SLC4A8: variants seen among roughly 807,000 people sequenced by gnomAD.
The protein encoded by SLC4A8 is solute carrier family 4 member 8.
A neutral mutation model predicts 125.0 loss-of-function variants in SLC4A8; 40 were observed. The observed-to-expected ratio is 0.32, with a 90% confidence interval of 0.25 to 0.42. SLC4A8 has a LOEUF of 0.42. Ranked by LOEUF, SLC4A8 falls within the 10% of genes least tolerant of loss-of-function variation. The pLI, the probability that SLC4A8 is intolerant of heterozygous loss-of-function variation, is 1.00. For synonymous variants in SLC4A8, 456 were observed against 476.0 expected (o/e 0.96, Z 0.55); for missense variants, 863 against 1,355.1 (o/e 0.64, Z 5.70).
At chr12:51,455,070 T>C (rs1472653846) in intron 5 of SLC4A8, among the ~76,000 whole-genome samples, 1 of 131,506 alleles carries the variant, frequency 7.6e-6, no homozygotes, top group Admixed American at 8.0e-5. Flanking sequence ...CCGCCCTTAA[T>C]CCATTTAACT....
intron 2 of SLC4A8, among the ~76,000 whole-genome samples, chr12:51,442,713 A>G (rs1373012470): frequency 6.6e-6 from 1 of 152,186 alleles, no homozygotes; most frequent in Non-Finnish European, 1.5e-5. Context: ...CAAATGGTGG[A>G]CAAACTAGAA....
intron 1 of SLC4A8, among the ~76,000 whole-genome samples, chr12:51,430,042 A>G (rs1949135808): frequency 6.6e-6 from 1 of 152,044 alleles, no homozygotes; most frequent in Non-Finnish European, 1.5e-5. Context: ...ACTGAAGGAA[A>G]GTTCAGGGAG....
At chr12:51,474,211 GCT>G in intron 14 of SLC4A8, 129 bp from the exon 15 acceptor site, 2 of 540,412 alleles carry the variant, frequency 3.7e-6, no homozygotes, top group South Asian at 3.3e-5. Context: ...AGGGGCCTCA[GCT>G]CCTCAGGTCT....
At chr12:51,482,241 A>G (rs1463097003) in intron 16 of SLC4A8, among the ~76,000 whole-genome samples, 1 of 152,184 alleles carries the variant, frequency 6.6e-6, no homozygotes, top group African/African-American at 2.4e-5. Context: ...TCAATATTTT[A>G]TATTGATTAC....
chr12:51,436,683 A>G (rs1316496596), intron 1 of SLC4A8, among the ~76,000 whole-genome samples: 1 of 151,982 alleles, frequency 6.6e-6, no homozygotes, highest in Admixed American at 6.6e-5. Context: ...CTGGAGTGCA[A>G]TGGCGTAATC....
At chr12:51,447,756 A>G (rs1592199779) in intron 2 of SLC4A8, among the ~76,000 whole-genome samples, 1 of 131,660 alleles carries the variant, frequency 7.6e-6, no homozygotes. Flanking sequence ...TCGCTCTGTC[A>G]CCCAGGCTGG....
chr12:51,497,844 A>T, intron 22 of SLC4A8: 1 of 145,738 alleles, frequency 6.9e-6, no homozygotes, highest in Non-Finnish European at 1.5e-5. Flanking sequence ...CCTAGGCAAT[A>T]TAATGAGACC....
intron 20 of SLC4A8, 66 bp downstream of exon 20, chr12:51,493,838 G>A (rs1417378795): frequency 1.0e-6 from 1 of 997,026 alleles, no homozygotes; most frequent in Non-Finnish European, 1.6e-6. Flanking sequence ...TCCAGGGAGG[G>A]ACAGCTCCCC....
In SLC4A8 at chr12:51,425,274, G is replaced by T. The variant is rs943539888; in HGVS notation, c.48+239G>T. 4.6e-6 allele frequency: 6 copies of T among 1,309,550 alleles called. No individual in the cohort carries two copies. In the Admixed American group the frequency reaches 2.0e-4, roughly 43 times the overall value. The allele number at this position is 1,309,550 out of a possible 1,614,324, so 81.1% of individuals were successfully genotyped here. A position where few individuals can be genotyped will look rare whatever the true frequency, so the allele number is the denominator to read the frequency against. ...GGCCCATCTCTGCCGCATCCCTTGC[G>T]CCGCCCGCCCAGGAGCCCTGACAGC... On this transcript the variant is annotated intron_variant, in intron 1 of 24. Transcript: ENST00000453097.
At chr12:51,503,512 A>C (rs1295628679) in intron 22 of SLC4A8, among the ~76,000 whole-genome samples, 1 of 152,198 alleles carries the variant, frequency 6.6e-6, no homozygotes, top group Non-Finnish European at 1.5e-5. Flanking sequence ...TGCCCGGCCT[A>C]CCTTATTGAT....
At chr12:51,435,972 T>G (rs1170117720) in intron 1 of SLC4A8, among the ~76,000 whole-genome samples, 5 of 152,196 alleles carry the variant, frequency 3.3e-5, no homozygotes, top group African/African-American at 9.7e-5. Flanking sequence ...TGCTACTGAT[T>G]GATCATTTTT....
At chr12:51,496,588 A>T (rs1951464956) in intron 21 of SLC4A8, among the ~76,000 whole-genome samples, 1 of 152,204 alleles carries the variant, frequency 6.6e-6, no homozygotes, top group Non-Finnish European at 1.5e-5. Flanking sequence ...AATAAAGATG[A>T]TCTTCTAAGA....
intron 1 of SLC4A8, among the ~76,000 whole-genome samples, chr12:51,401,084 C>A (rs1429302009): frequency 6.6e-6 from 1 of 151,692 alleles, no homozygotes; most frequent in East Asian, 2.0e-4. Flanking sequence ...CCCACGGCAG[C>A]GTCTACCTTT....
intron 2 of SLC4A8, among the ~76,000 whole-genome samples, chr12:51,447,068 G>GTCTATCTATCTATCTATCTA (rs71089801): frequency 6.7e-6 from 1 of 149,394 alleles, no homozygotes; most frequent in Non-Finnish European, 1.5e-5. Flanking sequence ...CTATCTATCT[G>GTCTATCTATCTATCTATCTA]TCTATCTATC....
intron 1 of SLC4A8, among the ~76,000 whole-genome samples, chr12:51,406,163 TG>T (rs1948483705): frequency 6.6e-6 from 1 of 152,152 alleles, no homozygotes; most frequent in African/African-American, 2.4e-5. Context: ...TCTGCGTAAG[TG>T]GGGTTAGGAC....
At chr12:51,425,166 C>T in intron 1 of SLC4A8, 131 bp downstream of exon 1, 1 of 1,434,682 alleles carries the variant, frequency 7.0e-7, no homozygotes, top group Admixed American at 2.7e-5. Flanking sequence ...GGGAGGCCAG[C>T]CCGGGACACC....
At chr12:51,492,204 C>T (rs376166900) in intron 19 of SLC4A8, among the ~76,000 whole-genome samples, 2 of 152,178 alleles carry the variant, frequency 1.3e-5, no homozygotes, top group East Asian at 3.9e-4. Flanking sequence ...AACTTTACGG[C>T]TGTATTCCCA....
At chr12:51,449,001 G>C (rs1259389638) in intron 2 of SLC4A8, among the ~76,000 whole-genome samples, 1 of 152,134 alleles carries the variant, frequency 6.6e-6, no homozygotes, top group Non-Finnish European at 1.5e-5. Context: ...GGAAAGGAGA[G>C]ACTGAGGATA....
At chr12:51,486,708 G>A (rs1951173127) in intron 17 of SLC4A8, among the ~76,000 whole-genome samples, 1 of 152,192 alleles carries the variant, frequency 6.6e-6, no homozygotes, top group African/African-American at 2.4e-5. Context: ...TGAGGAGAAG[G>A]CCGACAGGAA....
Sources: gnomAD v4.1 joint callset for allele counts (sites outside exome capture counted in the v4.1 genomes callset) on GRCh38, gnomAD v4.1.1 for gene constraint, MANE v1.5 for transcripts, NCBI Gene and HGNC (gene_info 2026-07-23, HGNC 2026-07-21) for gene names.